Variants in PNPLA2 observed in about 807,000 individuals in gnomAD.
PNPLA2 encodes the protein patatin-like phospholipase domain-containing protein 2.
PNPLA2 carries 28 observed loss-of-function variants against 39.7 expected under a neutral mutation model. The ratio of observed to expected loss-of-function variants is 0.70; its 90% CI spans 0.52 to 0.97. The LOEUF (loss-of-function observed/expected upper bound fraction) is 0.97, where lower values mean the gene tolerates loss of function less well. PNPLA2 is among the 50% of genes least tolerant of loss of function. PNPLA2 has a pLI of 0.00. For synonymous variants in PNPLA2, 392 were observed against 321.1 expected (o/e 1.22, Z -2.36); for missense variants, 768 against 698.2 (o/e 1.10, Z -1.13).
rs756377774 is a variant in PNPLA2, at chr11:824,871, C to T, written c.*9C>T. 20 of 1,530,010 alleles carry T rather than the reference C, an allele frequency of 1.3e-5. No homozygotes were observed. Among genetic ancestry groups the T allele is most frequent in the African/African-American group, 6.9e-5 (5 of 72,924 alleles). 94.8% of individuals were successfully genotyped at this position (1,530,010 alleles called of 1,614,324 possible). ...GGGCCCTGGGGCTGTGAGACCCCGA[C>T]CCTCTCGAGGAACCCTGCCTGAGAC... On this transcript the variant is annotated 3_prime_UTR_variant, in exon 10 of 10. Transcript: ENST00000336615.
chr11:824,670 C>T lies in PNPLA2; in HGVS notation c.1323C>T (p.Arg441=), dbSNP rs755458918. The part of the protein sequence containing the change: ...DALAKWEECQ[R]QLLLGLFCTN... ...TGGCCAAGTGGGAGGAGTGCCAGCG[C>T]CAGCTGCTGCTCGGCCTCTTCTGCA... The change falls in exon 10 of 10, where the codon CGC becomes CGT. Residue 441 remains arginine, a synonymous_variant. Transcript: ENST00000336615. The T allele has an allele frequency of 6.3e-7, 1 of 1,597,064 alleles. No individual in the cohort carries two copies. The highest frequency in any genetic ancestry group is 1.1e-5 in the South Asian group (1 of 90,394).
intron 4 of PNPLA2, 89 bp from the exon 5 acceptor site, chr11:822,308 C>A: frequency 8.4e-7 from 1 of 1,193,282 alleles, no homozygotes; most frequent in Non-Finnish European, 1.2e-6. Context: ...CTGAATGGGG[C>A]CCTTGGTGGC....
At chr11:820,009 AC>A in intron 2 of PNPLA2, 104 bp downstream of exon 2, 1 of 895,678 alleles carries the variant, frequency 1.1e-6, no homozygotes, top group Non-Finnish European at 1.5e-6. Context: ...GTCGGTGGGT[AC>A]CGTGGGGAGG....
intron 5 of PNPLA2, among the ~76,000 whole-genome samples, chr11:822,811 T>A (rs1845713490): frequency 9.7e-6 from 1 of 102,704 alleles, no homozygotes; most frequent in East Asian, 2.3e-4. Flanking sequence ...CCCTGTCCAG[T>A]CTCTCTCTCT....
rs563089334 is a variant in PNPLA2 at position 824,950 on chromosome 11, G to T, written c.*88G>T. 535 of 1,147,936 alleles carry T rather than the reference G, an allele frequency of 4.7e-4. 10 individuals carry two copies. In the South Asian group the frequency reaches 6.7e-3, roughly 14 times the overall value. The allele number at this position is 1,147,936 out of a possible 1,614,324, so 71.1% of individuals were successfully genotyped here. ...AGGGGACTCACAGTTGCCAAGAGGG[G>T]TCTTTGCCGTGGGCCCCCTCGCCAG... On this transcript the variant is annotated 3_prime_UTR_variant, in exon 10 of 10. Coordinates refer to ENST00000336615, the MANE Select transcript of PNPLA2 (RefSeq NM_020376.4).
rs1020112056 is a variant in PNPLA2 at position 823,999 on chromosome 11, C to T, written c.921C>T (p.Ala307=). The T allele has an allele frequency of 1.2e-6, 2 of 1,606,224 alleles. No individual in the cohort carries two copies. The highest frequency in any genetic ancestry group is 4.5e-5 in the East Asian group (2 of 44,632). The change falls in exon 8 of 10, where the codon GCC becomes GCT. Residue 307 remains alanine, a splice_region_variant and synonymous_variant. Transcript: ENST00000336615. The part of the protein sequence containing the change: ...LEHLPARLNE[A]LLEACVEPTD... ...CGCCGACCTCCCGCCCACCCGCAGC[C>T]CTGCTGGAGGCCTGCGTGGAGCCCA... is the stretch of plus-strand genomic sequence containing the variant.
At chr11:821,361 C>T (rs767347559) in intron 2 of PNPLA2, 148 of 565,250 alleles carry the variant, frequency 2.6e-4, no homozygotes, top group Non-Finnish European at 3.8e-4. Context: ...CTCTCCTGGG[C>T]TAGATGCCAC....
intron 7 of PNPLA2, 69 bp from the exon 8 acceptor site, chr11:823,929 G>A (rs1389274575): frequency 6.5e-7 from 1 of 1,547,572 alleles, no homozygotes; most frequent in Admixed American, 1.9e-5. Context: ...CGGTGAGCAG[G>A]GGAGGGAAGC....
rs2133844972 is a variant in PNPLA2 at position 819,570 on chromosome 11, G to A, written c.-145-4G>A. 2.3e-6 allele frequency: 3 copies of A among 1,289,284 alleles called. No homozygotes were observed. The highest frequency in any genetic ancestry group is 4.3e-5 in the South Asian group (2 of 46,630). The allele number at this position is 1,289,284 out of a possible 1,614,324, so 79.9% of individuals were successfully genotyped here. A position where few individuals can be genotyped will look rare whatever the true frequency, so the allele number is the denominator to read the frequency against. On this transcript the variant is annotated splice_polypyrimidine_tract_variant and splice_region_variant and intron_variant, in intron 1 of 9. Transcript: ENST00000336615. The stretch of plus-strand genomic sequence containing the variant: ...AAAGCGCCGCCTCCGCGCCGCCCGC[G>A]TAGCTTCTTCGCCTCCGCCAGCGGG...
chr11:819,668 C>A lies in PNPLA2; in HGVS notation c.-51C>A. On this transcript the variant is annotated 5_prime_UTR_variant, in exon 2 of 10. Coordinates refer to ENST00000336615, the MANE Select transcript of PNPLA2 (RefSeq NM_020376.4). Reference sequence around the variant, plus strand: ...GCGAGCGAGCGGCGAGCAGGCGGCTCACAGAGGCCTGGCCGCCCACGGAAC... The same window carrying A: ...GCGAGCGAGCGGCGAGCAGGCGGCTAACAGAGGCCTGGCCGCCCACGGAAC... The A allele has an allele frequency of 6.9e-7, 1 of 1,442,996 alleles. No individual in the cohort carries two copies. The highest frequency in any genetic ancestry group is 1.3e-5 in the South Asian group (1 of 75,982). 89.4% of individuals were successfully genotyped at this position (1,442,996 alleles called of 1,614,324 possible).
Position 819,914 on chromosome 11 carries a change from G to A in PNPLA2, c.187+9G>A, listed in dbSNP as rs1205561689. Reference sequence around the variant, plus strand: ...CACCGGGGTCTGCCTGGGTGAGCGGGGCCGGGGGCGGCAGGCGGGGGGCTG... The same window carrying A: ...CACCGGGGTCTGCCTGGGTGAGCGGAGCCGGGGGCGGCAGGCGGGGGGCTG... On this transcript the variant is annotated intron_variant, in intron 2 of 9. Transcript: ENST00000336615. The A allele has an allele frequency of 4.5e-6, 6 of 1,346,174 alleles. No homozygotes were observed. The highest frequency in any genetic ancestry group is 1.8e-5 in the South Asian group (1 of 55,652). 83.4% of individuals were successfully genotyped at this position (1,346,174 alleles called of 1,614,324 possible). A position where few individuals can be genotyped will look rare whatever the true frequency, so the allele number is the denominator to read the frequency against.
At chr11:822,223 G>A (rs369217708) in intron 4 of PNPLA2, 174 bp from the exon 5 acceptor site, 46 of 769,302 alleles carry the variant, frequency 6.0e-5, no homozygotes, top group East Asian at 5.3e-4. Flanking sequence ...GCCCTCCCCC[G>A]TCTACCATCT....
Position 821,696 on chromosome 11 carries a change from CCCT to C in PNPLA2, c.260_262del (p.Ser87del), listed in dbSNP as rs1565086488. 1 of 1,613,826 alleles carries C rather than the reference CCCT, an allele frequency of 6.2e-7. No homozygotes were observed. The highest frequency in any genetic ancestry group is 1.7e-5 in the Admixed American group (1 of 60,022). On this transcript the variant is annotated inframe_deletion, in exon 3 of 10. Transcript: ENST00000336615. ...GAAGCGGTTCCTGGGCCCCCTGCACCCCTCCTTCAACCTGGTAAAGATCATCCG... is the reference window on the plus strand; with the variant it reads ...GAAGCGGTTCCTGGGCCCCCTGCACCCCTTCAACCTGGTAAAGATCATCCG...
chr11:822,180 G>A (rs775295631), intron 4 of PNPLA2, 157 bp downstream of exon 4: 21 of 778,184 alleles, frequency 2.7e-5, no homozygotes, highest in African/African-American at 1.7e-4. Flanking sequence ...GGCAACGCAC[G>A]CTTCCTGGCC....
Position 824,327 on chromosome 11 carries a change from C to T in PNPLA2, c.1066C>T (p.Leu356=), listed in dbSNP as rs778750269. 6.3e-5 allele frequency: 97 copies of T among 1,551,160 alleles called. No homozygotes were observed. The highest frequency in any genetic ancestry group is 7.8e-5 in the Non-Finnish European group (90 of 1,147,668). The change falls in exon 9 of 10, where the codon CTG becomes TTG. Residue 356 remains leucine (L), a synonymous_variant. Coordinates refer to ENST00000336615, the MANE Select transcript of PNPLA2 (RefSeq NM_020376.4). ...LSFTIRLLEW[L]PDVPEDIRWM... is the part of the protein sequence containing the mutation. ...CCCTGTCCCCAGCTTGCTGGAGTGG[C>T]TGCCCGACGTTCCCGAGGACATCCG...
At position 824,389 on chromosome 11, in the gene PNPLA2, C is replaced by T. The variant is rs1375932814; in HGVS notation, c.1128C>T (p.Tyr376=). 1.3e-6 allele frequency: 2 copies of T among 1,553,338 alleles called. No homozygotes were observed. Among genetic ancestry groups the T allele is most frequent in the Admixed American group, 3.9e-5 (2 of 51,426 alleles). The change falls in exon 9 of 10, where the codon TAC becomes TAT. Residue 376 remains tyrosine (Y), a synonymous_variant. Transcript: ENST00000336615. ...MKEQTGSICQ[Y]LVMRAKRKLG... ...AGCAGACGGGCAGCATCTGCCAGTA[C>T]CTGGTGATGCGCGCCAAGAGGAAGC... is the stretch of plus-strand genomic sequence containing the variant.
In PNPLA2 at chr11:819,597, A is replaced by G. The variant is rs1362636892; in HGVS notation, c.-122A>G. ...AGCTTCTTCGCCTCCGCCAGCGGGG[A>G]CCCCGAGCTAGAGCCGCAGCGGGAC... On this transcript the variant is annotated 5_prime_UTR_variant, in exon 2 of 10. Coordinates refer to ENST00000336615, the MANE Select transcript of PNPLA2 (RefSeq NM_020376.4). The G allele has an allele frequency of 7.9e-7, 1 of 1,270,406 alleles. No individual in the cohort carries two copies. The highest frequency in any genetic ancestry group is 2.1e-5 in the South Asian group (1 of 48,190). The allele number at this position is 1,270,406 out of a possible 1,614,324, so 78.7% of individuals were successfully genotyped here. A position where few individuals can be genotyped will look rare whatever the true frequency, so the allele number is the denominator to read the frequency against.
rs1270368092 is a variant in PNPLA2 at position 824,444 on chromosome 11, G to A, written c.1175+8G>A. ...CAGGCACCTGCCCTCCAGGTGAGCC[G>A]CCGACCGCGCGTCCACCCGGGGCCC... On this transcript the variant is annotated splice_region_variant and intron_variant, in intron 9 of 9. Coordinates refer to ENST00000336615, the MANE Select transcript of PNPLA2 (RefSeq NM_020376.4). 2.4e-5 allele frequency: 38 copies of A among 1,552,044 alleles called. No individual in the cohort carries two copies. The highest frequency in any genetic ancestry group is 3.3e-5 in the Non-Finnish European group (38 of 1,148,364).
intron 1 of PNPLA2, 99 bp from the exon 2 acceptor site, chr11:819,475 C>T: frequency 8.2e-7 from 1 of 1,217,082 alleles, no homozygotes; most frequent in Non-Finnish European, 1.0e-6. Flanking sequence ...CCCGAGGGCA[C>T]GGCCGTTCCC....
Sources: gnomAD v4.1 joint callset for allele counts (sites outside exome capture counted in the v4.1 genomes callset) on GRCh38, gnomAD v4.1.1 for gene constraint, MANE v1.5 for transcripts, NCBI Gene and HGNC (gene_info 2026-07-23, HGNC 2026-07-21) for gene names.